GPHN: variants seen among roughly 807,000 people sequenced by gnomAD.
The protein encoded by GPHN is gephyrin.
GPHN carries 17 observed loss-of-function variants against 95.5 expected under a neutral mutation model. The observed-to-expected ratio is 0.18, with a 90% confidence interval of 0.12 to 0.27. The LOEUF is 0.27. Ranked by LOEUF, GPHN falls within the 10% of genes least tolerant of loss-of-function variation. GPHN has a pLI of 1.00. For missense variants in GPHN, 660 were observed against 978.1 expected (o/e 0.67, Z 4.34); for synonymous variants, 320 against 322.5 (o/e 0.99, Z 0.08).
chr14:67,634,983 C>T, the GPHN span, among the ~76,000 whole-genome samples: 6 of 152,142 alleles, frequency 3.9e-5, no homozygotes, highest in South Asian at 2.1e-4. Context: ...CGGTGGCTCA[C>T]GCCTGTAATC....
the GPHN span, among the ~76,000 whole-genome samples, chr14:67,217,472 T>C: frequency 1.3e-5 from 2 of 152,222 alleles, no homozygotes; most frequent in East Asian, 3.8e-4. Context: ...CTGGTTGTTT[T>C]GTATATCATT....
chr14:66,561,181 A>G (rs988962648), intron 1 of GPHN, among the ~76,000 whole-genome samples: 4 of 152,124 alleles, frequency 2.6e-5, no homozygotes, highest in African/African-American at 9.7e-5. Flanking sequence ...AATGTTCATC[A>G]AGGATATTGG....
chr14:67,337,192 C>T, the GPHN span, among the ~76,000 whole-genome samples: 1 of 152,172 alleles, frequency 6.6e-6, no homozygotes, highest in Non-Finnish European at 1.5e-5. Context: ...ATGTTAAATG[C>T]TTGCAAAATC....
At chr14:66,670,549 T>A (rs2066248089) in intron 1 of GPHN, among the ~76,000 whole-genome samples, 1 of 152,082 alleles carries the variant, frequency 6.6e-6, no homozygotes, top group Non-Finnish European at 1.5e-5. Flanking sequence ...TCCCAGCACT[T>A]TGGGAGGCCG....
chr14:66,801,676 G>T (rs746617371), intron 3 of GPHN, among the ~76,000 whole-genome samples: 3 of 142,348 alleles, frequency 2.1e-5, no homozygotes, highest in Non-Finnish European at 4.5e-5. Flanking sequence ...TGGTGGTGTA[G>T]CACAAGCACC....
chr14:67,729,861 T>C, the GPHN span: 6 of 455,262 alleles, frequency 1.3e-5, no homozygotes, highest in Admixed American at 2.4e-5. Flanking sequence ...CTGAATCTTA[T>C]CATGAACTCA....
At chr14:67,712,734 C>A in the GPHN span, among the ~76,000 whole-genome samples, 2 of 152,120 alleles carry the variant, frequency 1.3e-5, no homozygotes, top group Admixed American at 6.5e-5. Context: ...ATTTAGGAAC[C>A]AAACCTAGGC....
the GPHN span, among the ~76,000 whole-genome samples, chr14:67,368,559 A>T: frequency 6.6e-6 from 1 of 152,236 alleles, no homozygotes; most frequent in Non-Finnish European, 1.5e-5. Flanking sequence ...TAAATATAGA[A>T]GCTAAGAAAA....
At chr14:66,589,946 CA>C (rs1199344024) in intron 1 of GPHN, among the ~76,000 whole-genome samples, 1 of 152,124 alleles carries the variant, frequency 6.6e-6, no homozygotes, top group African/African-American at 2.4e-5. Context: ...CACTCTTCAG[CA>C]AATGCAAAAG....
chr14:67,065,757 C>CT (rs201638278), intron 11 of GPHN, among the ~76,000 whole-genome samples: 34,090 of 128,394 alleles, frequency 0.27, 7,332 homozygotes, highest in African/African-American at 0.58. Flanking sequence ...GCAACCCCTG[C>CT]TTTTTTTTTT....
chr14:67,102,176 C>T (rs2077746463), intron 13 of GPHN, among the ~76,000 whole-genome samples: 1 of 151,826 alleles, frequency 6.6e-6, no homozygotes, highest in African/African-American at 2.4e-5. Flanking sequence ...CCGGCCTGGC[C>T]ATTGTTATGT....
intron 2 of GPHN, among the ~76,000 whole-genome samples, chr14:66,682,871 A>G (rs1030981271): frequency 2.6e-5 from 4 of 152,154 alleles, no homozygotes; most frequent in African/African-American, 9.7e-5. Flanking sequence ...TATATAAAAG[A>G]TTTGAAGAAC....
At chr14:67,027,763 T>C (rs989943394) in intron 10 of GPHN, among the ~76,000 whole-genome samples, 7 of 152,202 alleles carry the variant, frequency 4.6e-5, no homozygotes, top group African/African-American at 1.4e-4. Flanking sequence ...ATATAATATT[T>C]GTACATATTT....
intron 11 of GPHN, among the ~76,000 whole-genome samples, chr14:67,070,709 A>T (rs1411845332): frequency 9.8e-5 from 9 of 91,488 alleles, no homozygotes; most frequent in African/African-American, 4.1e-4. Flanking sequence ...AAAAAAAAAA[A>T]AAAAAAATAT....
chr14:67,580,873 C>A, the GPHN span: 1 of 1,053,622 alleles, frequency 9.5e-7, no homozygotes, highest in Admixed American at 1.7e-5. Context: ...CCAGCCCTGG[C>A]TGGACCTTGA....
intron 1 of GPHN, among the ~76,000 whole-genome samples, chr14:66,667,732 AT>A (rs76399756): frequency 0.33 from 49,881 of 152,100 alleles, 12,007 homozygotes; most frequent in African/African-American, 0.65. Context: ...CATTCAGGAC[AT>A]TAGGTACTGG....
At chr14:66,658,139 G>T (rs1262745838) in intron 1 of GPHN, among the ~76,000 whole-genome samples, 8 of 152,112 alleles carry the variant, frequency 5.3e-5, no homozygotes, top group African/African-American at 1.9e-4. Flanking sequence ...GACTTCATTG[G>T]TGGAAAGTAG....
At chr14:66,638,418 G>A (rs1212139699) in intron 1 of GPHN, among the ~76,000 whole-genome samples, 2 of 152,070 alleles carry the variant, frequency 1.3e-5, no homozygotes, top group African/African-American at 2.4e-5. Context: ...TGGGGGATAA[G>A]AGGGAAACAC....
intron 16 of GPHN, among the ~76,000 whole-genome samples, chr14:67,116,309 AAGAAAAAG>A (rs2078691832): frequency 6.6e-6 from 1 of 150,994 alleles, no homozygotes; most frequent in African/African-American, 2.4e-5. Context: ...GAAAGAAAGA[AAGAAAAAG>A]AAAGAAAGAA....
Sources: allele counts gnomAD v4.1 joint callset (sites outside exome capture counted in the v4.1 genomes callset), GRCh38; gene constraint gnomAD v4.1.1; transcripts MANE v1.5; gene names NCBI Gene and HGNC (gene_info 2026-07-23, HGNC 2026-07-21).